DAB2: variants seen among roughly 807,000 people sequenced by gnomAD.
DAB2 encodes disabled homolog 2.
A neutral mutation model predicts 71.6 loss-of-function variants in DAB2; 28 were observed. The ratio of observed to expected loss-of-function variants is 0.39; its 90% CI spans 0.29 to 0.54. The LOEUF (loss-of-function observed/expected upper bound fraction) is 0.54, where lower values mean the gene tolerates loss of function less well. Among genes scored for constraint, DAB2 ranks in the 20% least tolerant of loss-of-function variants. DAB2 has a pLI of 0.68. For synonymous variants in DAB2, 345 were observed against 339.7 expected (o/e 1.02, Z -0.17); for missense variants, 867 against 928.8 (o/e 0.93, Z 0.86).
chr5:39,376,620 G>A, intron 12 of DAB2, 30 bp downstream of exon 12: 4 of 1,605,156 alleles, frequency 2.5e-6, no homozygotes, highest in Non-Finnish European at 3.4e-6. Context: ...ATAGTTGTTG[G>A]AACAGTAGGC....
rs1191335539 is a variant in DAB2, at chr5:39,384,743, T to C, written c.688-1472A>G. On this transcript the variant is annotated intron_variant, in intron 9 of 14. Transcript: ENST00000320816. The stretch of plus-strand genomic sequence containing the variant: ...TCATCCTAGAACAGAACTTTCATAC[T>C]GACATCACTTCCTTCTGCTTGACTT... Among the ~76,000 whole-genome samples the C allele has an allele frequency of 3.3e-5, 5 of 152,174 alleles. No individual in the cohort carries two copies. The East Asian group carries it at 7.7e-4, about 24-fold the overall frequency.
intron 9 of DAB2, among the ~76,000 whole-genome samples, chr5:39,387,450 C>T (rs59784476): frequency 1.2e-3 from 181 of 152,226 alleles, no homozygotes; most frequent in African/African-American, 4.1e-3. Flanking sequence ...CAATTACTAA[C>T]GATGTGATTA....
intron 1 of DAB2, among the ~76,000 whole-genome samples, chr5:39,394,719 G>A (rs1311652468): frequency 6.6e-6 from 1 of 151,128 alleles, no homozygotes; most frequent in Admixed American, 6.7e-5. Flanking sequence ...TAAAAAGCAA[G>A]TATTAAAGAT....
In DAB2 at chr5:39,392,491, T is replaced by C. The variant is rs1454028050; in HGVS notation, c.232-28A>G. ...GATGAGGGTGGAAAAACAAGAGAAGTTGAATTTTTAAAAACATCCTACAAT... is the reference window on the plus strand; with the variant it reads ...GATGAGGGTGGAAAAACAAGAGAAGCTGAATTTTTAAAAACATCCTACAAT... On this transcript the variant is annotated intron_variant, in intron 3 of 14. Coordinates refer to ENST00000320816, the MANE Select transcript of DAB2 (RefSeq NM_001343.4). The C allele has an allele frequency of 6.5e-6, 10 of 1,544,160 alleles. No individual in the cohort carries two copies. In the South Asian group the frequency reaches 6.7e-5, roughly 10 times the overall value.
rs1561367316 is a variant in DAB2 at position 39,382,770 on chromosome 5, G to A, written c.1189C>T (p.Pro397Ser). ...NGFSVKSSPN[P>S]FVGSPPKGLS... ...CCTTTGGGAGGGCTTCCCACAAAAG[G>A]GTTCGGGGAGGATTTGACAGAGAAG... Residue 397 changes from proline (P) to serine (S), a missense_variant, in exon 10 of 15, where the codon CCT becomes TCT. Around this residue, in one of 2 missense-constraint regions of DAB2, gnomAD observed 740 missense variants for 734.3 expected, o/e 1.01. Transcript: ENST00000320816. 2 of 1,614,140 alleles carry A rather than the reference G, an allele frequency of 1.2e-6. No individual in the cohort carries two copies. Among genetic ancestry groups the A allele is most frequent in the Middle Eastern group, 1.6e-4 (1 of 6,062 alleles).
intron 1 of DAB2, among the ~76,000 whole-genome samples, chr5:39,401,715 C>T (rs2112080462): frequency 7.0e-6 from 1 of 142,434 alleles, no homozygotes; most frequent in Middle Eastern, 3.5e-3. Flanking sequence ...CTGTTAAAGA[C>T]ATACCTGAGA....
intron 1 of DAB2, among the ~76,000 whole-genome samples, chr5:39,419,578 C>T (rs1045646916): frequency 6.6e-6 from 1 of 152,164 alleles, no homozygotes; most frequent in Non-Finnish European, 1.5e-5. Context: ...ATGGAGAGGA[C>T]TTCATCTGCA....
chr5:39,374,930 T>C (rs1297770256), intron 14 of DAB2, 84 bp downstream of exon 14: 9 of 892,264 alleles, frequency 1.0e-5, no homozygotes, highest in South Asian at 8.5e-5. Context: ...TTCCCAATTC[T>C]AAAATTAAAA....
intron 1 of DAB2, among the ~76,000 whole-genome samples, chr5:39,409,904 AAGGAATATAT>A (rs1051642315): frequency 7.2e-5 from 11 of 152,180 alleles, no homozygotes; most frequent in Non-Finnish European, 2.9e-5. Context: ...ACTTCTTAGG[AAGGAATATAT>A]ATTAAATAGC....
At position 39,388,295 on chromosome 5, in the gene DAB2, A is replaced by G; in HGVS notation, c.687+10T>C. The stretch of plus-strand genomic sequence containing the variant: ...TTTATTACATTGCAAATTTAAAAAC[A>G]AACACTTACTGTTGGACTATTTAGG... On this transcript the variant is annotated intron_variant, in intron 9 of 14. Transcript: ENST00000320816. 6.3e-7 allele frequency: 1 copy of G among 1,598,322 alleles called. No individual in the cohort carries two copies.
At chr5:39,389,986 C>G in intron 5 of DAB2, 54 bp from the exon 6 acceptor site, 1 of 1,213,378 alleles carries the variant, frequency 8.2e-7, no homozygotes, top group South Asian at 1.5e-5. Flanking sequence ...ATTTTATTTC[C>G]TTTGTCTGCT....
In DAB2 at chr5:39,394,385, G is replaced by A; in HGVS notation, c.-65C>T. On this transcript the variant is annotated 5_prime_UTR_variant, in exon 2 of 15. Transcript: ENST00000320816. ...CTTGGTGACACCAGGCGATCCCGAT[G>A]GAGAAGTCTCAAATAAACATAACCT... 2.4e-6 allele frequency: 3 copies of A among 1,240,436 alleles called. No individual in the cohort carries two copies. In the South Asian group the frequency reaches 3.6e-5, roughly 15 times the overall value. 76.8% of individuals were successfully genotyped at this position (1,240,436 alleles called of 1,614,324 possible).
rs1242300608 is a variant in DAB2, at chr5:39,372,874, G to A, written c.*557C>T. On this transcript the variant is annotated 3_prime_UTR_variant, in exon 15 of 15. Transcript: ENST00000320816. ...CTTTAAAAAGGTCCTTAAGTGGTTA[G>A]ATTCCAAAGTGTCTAAGGAGAAGTT... is the stretch of plus-strand genomic sequence containing the variant. 6.6e-6 allele frequency: 1 copy of A among 152,100 alleles called. No individual in the cohort carries two copies. The highest frequency in any genetic ancestry group is 1.5e-5 in the Non-Finnish European group (1 of 68,014). The allele number at this position is 152,100 out of a possible 1,614,324, so 9.4% of individuals were successfully genotyped here. A position where few individuals can be genotyped will look rare whatever the true frequency, so the allele number is the denominator to read the frequency against.
intron 1 of DAB2, among the ~76,000 whole-genome samples, chr5:39,397,085 T>C (rs938537531): frequency 2.0e-5 from 3 of 152,208 alleles, no homozygotes; most frequent in African/African-American, 7.2e-5. Flanking sequence ...TTGCTCCACA[T>C]GGACTTCCTT....
intron 1 of DAB2, among the ~76,000 whole-genome samples, chr5:39,423,059 T>C (rs78145345): frequency 2.6e-5 from 4 of 152,320 alleles, no homozygotes; most frequent in Non-Finnish European, 4.4e-5. Flanking sequence ...GACATTCCTC[T>C]ACCATCTACT....
intron 4 of DAB2, among the ~76,000 whole-genome samples, chr5:39,391,981 A>T (rs10074282): frequency 0.91 from 131,925 of 144,484 alleles, 60,461 homozygotes; most frequent in Non-Finnish European, 0.95. Context: ...AAAAAAAAAA[A>T]ATATATATAT....
At chr5:39,398,275 G>C (rs2548567) in intron 1 of DAB2, among the ~76,000 whole-genome samples, 148,690 of 152,284 alleles carry the variant, frequency 0.98, 72,993 homozygotes, top group Non-Finnish European at 1. Context: ...AGACGTAGCT[G>C]AAGACCAGGT....
chr5:39,419,498 G>A (rs185649604), intron 1 of DAB2, among the ~76,000 whole-genome samples: 10 of 152,300 alleles, frequency 6.6e-5, no homozygotes, highest in Admixed American at 2.6e-4. Context: ...AGTGAAAGTC[G>A]AATGGGAGAA....
chr5:39,382,951 C>G lies in DAB2; in HGVS notation c.1008G>C (p.Leu336=), dbSNP rs780180784. The G allele has an allele frequency of 3.7e-6, 6 of 1,614,164 alleles. No homozygotes were observed. The highest frequency in any genetic ancestry group is 5.1e-6 in the Non-Finnish European group (6 of 1,180,020). ...GACCAAAGTAGTCAACATCACCATT[C>G]AGGGGCCCATTACTCAGCGGAGTAG... is the stretch of plus-strand genomic sequence containing the variant. ...SSSTPLSNGP[L]NGDVDYFGQQ... is the part of the protein sequence containing the mutation. The change falls in exon 10 of 15, where the codon CTG becomes CTC. Residue 336 remains leucine (L), a synonymous_variant. Transcript: ENST00000320816.
Sources: gnomAD v4.1 joint callset for allele counts (sites outside exome capture counted in the v4.1 genomes callset) on GRCh38, gnomAD v4.1.1 for gene constraint, gnomAD v4.1.1 regional missense constraint, MANE v1.5 for transcripts, NCBI Gene and HGNC (gene_info 2026-07-23, HGNC 2026-07-21) for gene names.